The following MAGI2 variants were observed in gnomAD, a reference collection of about 807,000 sequenced individuals.
MAGI2 encodes membrane associated guanylate kinase, WW and PDZ domain containing 2.
MAGI2 carries 35 observed loss-of-function variants against 133.3 expected under a neutral mutation model. That is an observed-to-expected ratio of 0.26 (90% CI 0.20 to 0.35). MAGI2 has a LOEUF of 0.35. MAGI2 is among the 10% of genes least tolerant of loss of function. The pLI is 1.00. For missense variants in MAGI2, 1,636 were observed against 1,863.4 expected (o/e 0.88, Z 2.25); for synonymous variants, 729 against 710.6 (o/e 1.03, Z -0.41).
chr7:78,199,690 C>T (rs1829058432), intron 11 of MAGI2, among the ~76,000 whole-genome samples: 1 of 152,192 alleles, frequency 6.6e-6, no homozygotes, highest in Non-Finnish European at 1.5e-5. Flanking sequence ...CTACAGCCTT[C>T]TACCTTCCTT....
chr7:79,270,979 C>T (rs1253935473), intron 1 of MAGI2, among the ~76,000 whole-genome samples: 3 of 151,824 alleles, frequency 2.0e-5, no homozygotes, highest in Non-Finnish European at 4.4e-5. Context: ...TTTCTTCATC[C>T]TTTTCTAACT....
chr7:78,033,718 T>A (rs1369240332), intron 21 of MAGI2, among the ~76,000 whole-genome samples: 1 of 151,150 alleles, frequency 6.6e-6, no homozygotes, highest in African/African-American at 2.4e-5. Flanking sequence ...AGAATAAGAG[T>A]CTGCTAGATG....
At chr7:78,369,294 A>T in intron 6 of MAGI2, 81 bp from the exon 7 acceptor site, 1 of 1,002,294 alleles carries the variant, frequency 1.0e-6, no homozygotes, top group Non-Finnish European at 1.5e-6. Context: ...TTGTTCATGG[A>T]TTGCAGAAAT....
chr7:79,057,627 T>C (rs534585756), intron 1 of MAGI2, among the ~76,000 whole-genome samples: 1 of 152,310 alleles, frequency 6.6e-6, no homozygotes, highest in Non-Finnish European at 1.5e-5. Context: ...CTTTTAACTT[T>C]TATTCATTAT....
chr7:78,683,999 A>T (rs753294616), intron 2 of MAGI2, among the ~76,000 whole-genome samples: 1 of 152,188 alleles, frequency 6.6e-6, no homozygotes, highest in African/African-American at 2.4e-5. Context: ...GTGATACAAC[A>T]GAAGGGGCAG....
intron 1 of MAGI2, among the ~76,000 whole-genome samples, chr7:79,290,389 T>C (rs1836371736): frequency 1.0e-5 from 1 of 96,748 alleles, no homozygotes; most frequent in Non-Finnish European, 2.7e-5. Context: ...ATAATCTTTT[T>C]AATTTTAAAT....
At chr7:78,059,559 C>T (rs1374204284) in intron 21 of MAGI2, among the ~76,000 whole-genome samples, 1 of 152,178 alleles carries the variant, frequency 6.6e-6, no homozygotes, top group Non-Finnish European at 1.5e-5. Flanking sequence ...CCTTTGCTCT[C>T]CTCTCTGCCC....
At chr7:78,306,907 C>T (rs575187639) in intron 9 of MAGI2, among the ~76,000 whole-genome samples, 2 of 152,170 alleles carry the variant, frequency 1.3e-5, no homozygotes, top group Non-Finnish European at 2.9e-5. Flanking sequence ...AGTTTTAAAT[C>T]CTATTTAAAA....
intron 2 of MAGI2, among the ~76,000 whole-genome samples, chr7:78,716,680 T>A (rs977425187): frequency 2.0e-5 from 3 of 152,220 alleles, no homozygotes; most frequent in African/African-American, 7.2e-5. Context: ...TCATGTGTGC[T>A]TAAGAAAGAT....
At chr7:78,895,086 G>C (rs1468737097) in intron 2 of MAGI2, among the ~76,000 whole-genome samples, 1 of 152,160 alleles carries the variant, frequency 6.6e-6, no homozygotes, top group Non-Finnish European at 1.5e-5. Flanking sequence ...TGGCTTCATG[G>C]ATTAATGGGT....
chr7:79,386,455 G>A (rs1279738517), intron 1 of MAGI2, among the ~76,000 whole-genome samples: 1 of 151,982 alleles, frequency 6.6e-6, no homozygotes, highest in Non-Finnish European at 1.5e-5. Flanking sequence ...GGCTGTGATT[G>A]ACAGCAGAGC....
intron 6 of MAGI2, among the ~76,000 whole-genome samples, chr7:78,385,996 T>C (rs975137981): frequency 1.3e-5 from 2 of 151,444 alleles, no homozygotes; most frequent in Middle Eastern, 6.4e-3. Context: ...GAGCAAAACT[T>C]CCCCCCCTAG....
intron 1 of MAGI2, among the ~76,000 whole-genome samples, chr7:79,122,961 A>G (rs1209693883): frequency 2.0e-5 from 3 of 152,136 alleles, no homozygotes; most frequent in Non-Finnish European, 1.5e-5. Context: ...AGAGATTAGT[A>G]TGTTTAAAAA....
intron 1 of MAGI2, among the ~76,000 whole-genome samples, chr7:79,141,351 T>C (rs1440935763): frequency 6.6e-6 from 1 of 152,214 alleles, no homozygotes; most frequent in Non-Finnish European, 1.5e-5. Flanking sequence ...TACAGAAAGT[T>C]ACTGAGTCCT....
chr7:78,161,098 C>T (rs1283972187), intron 15 of MAGI2, among the ~76,000 whole-genome samples: 1 of 152,162 alleles, frequency 6.6e-6, no homozygotes, highest in Non-Finnish European at 1.5e-5. Context: ...GTTTGAACCT[C>T]TAAGGAGCTG....
At chr7:78,901,056 A>T (rs1797586305) in intron 2 of MAGI2, among the ~76,000 whole-genome samples, 1 of 152,184 alleles carries the variant, frequency 6.6e-6, no homozygotes. Flanking sequence ...GCATGGATAG[A>T]TCAGTTAAGA....
At chr7:78,585,004 G>A (rs1360991763) in intron 3 of MAGI2, among the ~76,000 whole-genome samples, 1 of 152,184 alleles carries the variant, frequency 6.6e-6, no homozygotes, top group African/African-American at 2.4e-5. Context: ...ATTTAAAGAT[G>A]TTTGAAAAAG....
chr7:78,163,129 A>AGTTT (rs548597970), intron 15 of MAGI2, among the ~76,000 whole-genome samples: 1 of 151,876 alleles, frequency 6.6e-6, no homozygotes, highest in Non-Finnish European at 1.5e-5. Context: ...TAATTAGTTT[A>AGTTT]GTTTGTTTGT....
chr7:78,337,048 A>G (rs11773198), intron 9 of MAGI2, among the ~76,000 whole-genome samples: 23,195 of 152,166 alleles, frequency 0.15, 2,403 homozygotes, highest in East Asian at 0.53. Flanking sequence ...AACACAAAAC[A>G]TCATGTAAAG....
Sources: allele counts gnomAD v4.1 joint callset (sites outside exome capture counted in the v4.1 genomes callset), GRCh38; gene constraint gnomAD v4.1.1; transcripts MANE v1.5; gene names NCBI Gene and HGNC (gene_info 2026-07-23, HGNC 2026-07-21).